Variants in RAB7B observed in about 807,000 individuals in gnomAD.
RAB7B encodes the protein ras-related protein Rab-7b.
chr1:206,001,804 C>A (rs1225269149), intron 1 of RAB7B, among the ~76,000 whole-genome samples: 1 of 152,200 alleles, frequency 6.6e-6, no homozygotes, highest in Admixed American at 6.5e-5. Context: ...GTAAGAAGGA[C>A]TGAGCTGTTG....
In RAB7B at chr1:205,978,307, G is replaced by A. The variant is rs1174416410; in HGVS notation, c.*544C>T. 1.3e-5 allele frequency: 2 copies of A among 152,458 alleles called. No individual in the cohort carries two copies. The highest frequency in any genetic ancestry group is 2.1e-4 in the South Asian group (1 of 4,832). 9.4% of individuals were successfully genotyped at this position (152,458 alleles called of 1,614,324 possible). ...TTCTACCCTGGAGGGAGCAGAGGGG[G>A]TCTCAGGCACGACAGCTTCTGCCAG... On this transcript the variant is annotated 3_prime_UTR_variant, in exon 6 of 6. Transcript: ENST00000617070.
chr1:205,993,906 A>T (rs1660767304), intron 2 of RAB7B, among the ~76,000 whole-genome samples, 177 bp downstream of exon 2: 1 of 152,176 alleles, frequency 6.6e-6, no homozygotes, highest in South Asian at 2.1e-4. Context: ...ACTGGAAACC[A>T]TCTGTTTACA....
At chr1:205,980,879 C>T (rs1211122609) in intron 5 of RAB7B, among the ~76,000 whole-genome samples, 2 of 142,994 alleles carry the variant, frequency 1.4e-5, no homozygotes, top group African/African-American at 5.2e-5. Flanking sequence ...CCCCCTTCCC[C>T]TTCACCTCCT....
chr1:205,991,129 C>G (rs991976676), intron 4 of RAB7B, among the ~76,000 whole-genome samples: 19 of 152,178 alleles, frequency 1.2e-4, no homozygotes, highest in Non-Finnish European at 1.5e-5. Flanking sequence ...CTGACCTCTT[C>G]TCCCTCTTCC....
chr1:205,982,056 T>C (rs1660503405), intron 5 of RAB7B, among the ~76,000 whole-genome samples: 1 of 152,256 alleles, frequency 6.6e-6, no homozygotes, highest in Non-Finnish European at 1.5e-5. Flanking sequence ...CCTACTCTGC[T>C]CTCAGCAGGT....
chr1:206,002,269 G>A (rs1309464918), intron 1 of RAB7B, among the ~76,000 whole-genome samples: 1 of 152,224 alleles, frequency 6.6e-6, no homozygotes, highest in Non-Finnish European at 1.5e-5. Context: ...CTCCCTCTGG[G>A]AAGTGTACCT....
At chr1:205,994,555 C>G (rs1245673888) in intron 1 of RAB7B, 1 of 153,836 alleles carries the variant, frequency 6.5e-6, no homozygotes, top group Non-Finnish European at 1.4e-5. Context: ...TCCATTGTCA[C>G]GACTGCCCAG....
rs928664711 is a variant in RAB7B at position 205,995,266 on chromosome 1, A to T, written c.-16-1115T>A. Among the ~76,000 whole-genome samples the T allele has an allele frequency of 2.8e-4, 42 of 151,870 alleles. No individual in the cohort carries two copies. In the South Asian group the frequency reaches 3.6e-3, roughly 13 times the overall value. ...AGAACTTAAAGTATAATAATAACTT[A>T]AAAAAAAACAACAGAAGATGGTAAA... On this transcript the variant is annotated intron_variant, in intron 1 of 5. Coordinates refer to ENST00000617070, the MANE Select transcript of RAB7B (RefSeq NM_001164522.3).
At chr1:205,988,251 T>TTTTC (rs1265665986) in intron 4 of RAB7B, among the ~76,000 whole-genome samples, 3 of 131,952 alleles carry the variant, frequency 2.3e-5, no homozygotes, top group African/African-American at 8.5e-5. Context: ...TTTTTTCTTT[T>TTTTC]AGTGTCTTGC....
chr1:205,992,288 G>A (rs1425773571), intron 4 of RAB7B, among the ~76,000 whole-genome samples, 192 bp downstream of exon 4: 2 of 152,084 alleles, frequency 1.3e-5, no homozygotes, highest in Non-Finnish European at 2.9e-5. Context: ...TTCATTTACC[G>A]TATTGTACCA....
intron 1 of RAB7B, among the ~76,000 whole-genome samples, chr1:205,998,214 G>C (rs1215484734): frequency 3.3e-5 from 5 of 152,170 alleles, no homozygotes; most frequent in Non-Finnish European, 7.3e-5. Flanking sequence ...AAATGAGCCA[G>C]GCTTGTTGGC....
chr1:205,985,081 G>A (rs1327494508), intron 5 of RAB7B, among the ~76,000 whole-genome samples: 3 of 152,168 alleles, frequency 2.0e-5, no homozygotes, highest in African/African-American at 4.8e-5. Flanking sequence ...ACACATTCTT[G>A]CCGAACCTTC....
chr1:205,989,804 C>T (rs1660685582), intron 4 of RAB7B, among the ~76,000 whole-genome samples: 1 of 152,100 alleles, frequency 6.6e-6, no homozygotes, highest in African/African-American at 2.4e-5. Context: ...TGGCTGGTAC[C>T]CTACGGAGAC....
chr1:206,003,154 T>A (rs999635098), intron 1 of RAB7B, 99 bp downstream of exon 1: 10 of 152,334 alleles, frequency 6.6e-5, no homozygotes, highest in Non-Finnish European at 1.5e-4. Flanking sequence ...AATCTCATCC[T>A]TGCATTCCCT....
At chr1:206,002,636 T>C (rs1246622654) in intron 1 of RAB7B, among the ~76,000 whole-genome samples, 2 of 152,228 alleles carry the variant, frequency 1.3e-5, no homozygotes, top group African/African-American at 2.4e-5. Flanking sequence ...CTAGCAATTA[T>C]AGAGCACTTG....
chr1:205,993,059 T>A (rs1660751690), intron 3 of RAB7B, among the ~76,000 whole-genome samples: 1 of 152,226 alleles, frequency 6.6e-6, no homozygotes, highest in African/African-American at 2.4e-5. Context: ...GTGGGGTCTC[T>A]CAACTCCTGG....
intron 1 of RAB7B, among the ~76,000 whole-genome samples, chr1:206,002,979 C>G (rs1459092496): frequency 6.6e-6 from 1 of 152,256 alleles, no homozygotes; most frequent in Non-Finnish European, 1.5e-5. Context: ...CCTCTCCTGA[C>G]TGGGCCAGCA....
chr1:205,979,734 T>C (rs1179245391), intron 5 of RAB7B, among the ~76,000 whole-genome samples: 1 of 152,098 alleles, frequency 6.6e-6, no homozygotes, highest in East Asian at 1.9e-4. Flanking sequence ...GGCCTCGGGG[T>C]GAGTGATGAG....
At chr1:205,999,609 A>C (rs1660858877) in intron 1 of RAB7B, among the ~76,000 whole-genome samples, 1 of 152,214 alleles carries the variant, frequency 6.6e-6, no homozygotes, top group African/African-American at 2.4e-5. Flanking sequence ...CATTCTAGGA[A>C]TCTGTCCTAC....
Sources: allele counts gnomAD v4.1 joint callset (sites outside exome capture counted in the v4.1 genomes callset), GRCh38; gene constraint gnomAD v4.1.1; transcripts MANE v1.5; gene names NCBI Gene and HGNC (gene_info 2026-07-23, HGNC 2026-07-21).